The following CEPT1 variants were observed in gnomAD, a reference collection of about 807,000 sequenced individuals.
The protein encoded by CEPT1 is choline/ethanolamine phosphotransferase 1.
In CEPT1, 7 loss-of-function variants were observed where a neutral mutation model predicts 42.6. The observed-to-expected ratio is 0.16, with a 90% CI of 0.09 to 0.31. The LOEUF (loss-of-function observed/expected upper bound fraction) is 0.31. CEPT1 is among the 10% of genes least tolerant of loss of function. CEPT1 has a pLI of 1.00. For synonymous variants in CEPT1, 171 were observed against 171.9 expected (o/e 0.99, Z 0.04); for missense variants, 306 against 502.1 (o/e 0.61, Z 3.73).
chr1:111,177,168 T>G (rs116134596), intron 5 of CEPT1, among the ~76,000 whole-genome samples: 16 of 152,186 alleles, frequency 1.1e-4, no homozygotes, highest in Non-Finnish European at 2.1e-4. Flanking sequence ...ATGTCGGGCA[T>G]TGGGGAGAAC....
Position 111,174,947 on chromosome 1 carries a change from CT to C in CEPT1, c.703del (p.Trp235GlyfsTer4). 3 of 1,607,998 alleles carry C rather than the reference CT, an allele frequency of 1.9e-6. No homozygotes were observed. Among genetic ancestry groups the C allele is most frequent in the South Asian group, 1.1e-5 (1 of 90,954 alleles). Reference sequence around the variant, plus strand: ...TTGCTGGCAGTGATTGGAGGACCACCTTTTTGGCAATCTATGGTAACTTTGT... The same window carrying C: ...TTGCTGGCAGTGATTGGAGGACCACCTTTTGGCAATCTATGGTAACTTTGT... ...MHLLAVIGGP[P>X]FWQSMIPVLN... On this transcript the variant is annotated frameshift_variant, in exon 5 of 9. Coordinates refer to ENST00000357172, the MANE Select transcript of CEPT1 (RefSeq NM_006090.5). LOFTEE classifies it high-confidence loss of function.
chr1:111,142,684 A>G (rs185252371), intron 1 of CEPT1, among the ~76,000 whole-genome samples: 4 of 152,348 alleles, frequency 2.6e-5, no homozygotes, highest in Admixed American at 6.5e-5. Flanking sequence ...ATAAGTATTG[A>G]TTATCTACTT....
At chr1:111,150,586 A>G (rs1655214955) in intron 2 of CEPT1, among the ~76,000 whole-genome samples, 1 of 152,142 alleles carries the variant, frequency 6.6e-6, no homozygotes, top group Non-Finnish European at 1.5e-5. Context: ...ATGATCATTA[A>G]GTTTCATGTC....
At chr1:111,182,361 CT>C in intron 6 of CEPT1, 43 bp downstream of exon 6, 2 of 1,585,050 alleles carry the variant, frequency 1.3e-6, no homozygotes, top group Non-Finnish European at 1.7e-6. Context: ...TACACTAGGA[CT>C]TGGTTTTGTT....
At position 111,178,576 on chromosome 1, in the gene CEPT1, A is replaced by G. The variant is rs542792659; in HGVS notation, c.715-3611A>G. On this transcript the variant is annotated intron_variant, in intron 5 of 8. Coordinates refer to ENST00000357172, the MANE Select transcript of CEPT1 (RefSeq NM_006090.5). ...TTTGTTTGTTGCTTCCCCAAAAGAC[A>G]TTCCTTTTAGAATGCCTTGGAACTA... is the stretch of plus-strand genomic sequence containing the variant. The G allele has an allele frequency of 1.2e-4, 18 of 152,216 alleles. No individual in the cohort carries two copies. The South Asian group carries it at 3.3e-3, about 28-fold the overall frequency. The allele number at this position is 152,216 out of a possible 1,614,324, so 9.4% of individuals were successfully genotyped here.
chr1:111,159,771 G>A, intron 3 of CEPT1: 1 of 320,012 alleles, frequency 3.1e-6, no homozygotes, highest in Non-Finnish European at 5.7e-6. Context: ...GTTTTTAAAA[G>A]CTTGGGGCAT....
chr1:111,152,056 G>GT (rs1314341320), intron 2 of CEPT1, among the ~76,000 whole-genome samples: 4 of 152,124 alleles, frequency 2.6e-5, no homozygotes, highest in African/African-American at 4.8e-5. Context: ...AAGGAAGTTG[G>GT]TGTTAACCTG....
intron 1 of CEPT1, among the ~76,000 whole-genome samples, chr1:111,146,802 T>C (rs1446654104): frequency 2.0e-5 from 3 of 152,194 alleles, no homozygotes; most frequent in Admixed American, 6.5e-5. Context: ...TTACTTTTTT[T>C]CCTTCTACTT....
At chr1:111,184,162 G>A (rs755250991) in intron 8 of CEPT1, 29 bp from the exon 9 acceptor site, 4 of 1,611,304 alleles carry the variant, frequency 2.5e-6, no homozygotes, top group East Asian at 2.2e-5. Flanking sequence ...AGCCTAAACG[G>A]GTGCTGAGAA....
intron 2 of CEPT1, among the ~76,000 whole-genome samples, chr1:111,156,720 A>G (rs1019177105): frequency 1.3e-5 from 2 of 152,244 alleles, no homozygotes; most frequent in Non-Finnish European, 2.9e-5. Flanking sequence ...AAAGTGAGGT[A>G]ACATTTAATA....
At chr1:111,144,903 A>T (rs973233974) in intron 1 of CEPT1, among the ~76,000 whole-genome samples, 2 of 152,228 alleles carry the variant, frequency 1.3e-5, no homozygotes. Context: ...ATTTAATATT[A>T]TATAAACATT....
At chr1:111,150,506 C>T (rs1052291489) in intron 2 of CEPT1, among the ~76,000 whole-genome samples, 5 of 152,034 alleles carry the variant, frequency 3.3e-5, no homozygotes, top group Non-Finnish European at 5.9e-5. Flanking sequence ...CAGAGAATTT[C>T]GTAAATTTTA....
At chr1:111,179,089 AT>A (rs1169372102) in intron 5 of CEPT1, 1 of 152,182 alleles carries the variant, frequency 6.6e-6, no homozygotes, top group East Asian at 1.9e-4. Flanking sequence ...CTGTAAGGAC[AT>A]TTTATCATGC....
chr1:111,164,244 A>G (rs1656017847), intron 4 of CEPT1, among the ~76,000 whole-genome samples: 1 of 152,224 alleles, frequency 6.6e-6, no homozygotes, highest in Non-Finnish European at 1.5e-5. Flanking sequence ...CTTCCCTGAA[A>G]TTATGAGCTA....
At chr1:111,183,162 A>C (rs1657075593) in intron 7 of CEPT1, among the ~76,000 whole-genome samples, 1 of 152,190 alleles carries the variant, frequency 6.6e-6, no homozygotes, top group Admixed American at 6.5e-5. Context: ...GAAAACATAC[A>C]ACTTTTTACC....
Position 111,174,960 on chromosome 1 carries a change from T to A in CEPT1, c.711T>A (p.Ser237=). The A allele has an allele frequency of 6.3e-7, 1 of 1,593,784 alleles. No homozygotes were observed. Among genetic ancestry groups the A allele is most frequent in the Non-Finnish European group, 8.6e-7 (1 of 1,161,642 alleles). The change falls in exon 5 of 9, where the codon TCT becomes TCA. Residue 237 remains serine (S), a synonymous_variant. Transcript: ENST00000357172. ...TTGGAGGACCACCTTTTTGGCAATC[T>A]ATGGTAACTTTGTTCACATTGTGTA... ...AVIGGPPFWQ[S]MIPVLNIQMK...
intron 4 of CEPT1, among the ~76,000 whole-genome samples, chr1:111,169,409 A>G (rs1656307271): frequency 6.6e-6 from 1 of 152,090 alleles, no homozygotes; most frequent in South Asian, 2.1e-4. Flanking sequence ...TATTGACTGT[A>G]TCTACTTTCA....
chr1:111,154,415 A>G (rs1655452358), intron 2 of CEPT1, among the ~76,000 whole-genome samples: 4 of 152,038 alleles, frequency 2.6e-5, no homozygotes, highest in Non-Finnish European at 5.9e-5. Context: ...TTTCCCATAT[A>G]TAAGTTCATA....
intron 1 of CEPT1, among the ~76,000 whole-genome samples, chr1:111,144,314 A>G (rs1654833182): frequency 6.6e-6 from 1 of 152,238 alleles, no homozygotes; most frequent in African/African-American, 2.4e-5. Flanking sequence ...TGTTGAAAGT[A>G]AAGTAGCCAT....
Sources: allele counts gnomAD v4.1 joint callset (sites outside exome capture counted in the v4.1 genomes callset), GRCh38; gene constraint gnomAD v4.1.1; transcripts MANE v1.5; gene names NCBI Gene and HGNC (gene_info 2026-07-23, HGNC 2026-07-21).